SUGCT: variants seen among roughly 807,000 people sequenced by gnomAD.
The protein encoded by SUGCT is succinyl-CoA:glutarate-CoA transferase, also known as succinyl-CoA:glutarate CoA-transferase.
A neutral mutation model predicts 55.0 loss-of-function variants in SUGCT; 41 were observed. The ratio of observed to expected loss-of-function variants is 0.74; its 90% CI spans 0.58 to 0.97. The LOEUF (loss-of-function observed/expected upper bound fraction) is 0.97, where lower values mean the gene tolerates loss of function less well. Ranked by LOEUF, SUGCT falls within the 50% of genes least tolerant of loss-of-function variation. The pLI, the probability that SUGCT is intolerant of heterozygous loss-of-function variation, is 0.00. For synonymous variants in SUGCT, 187 were observed against 200.4 expected (o/e 0.93, Z 0.56); for missense variants, 568 against 547.8 (o/e 1.04, Z -0.37).
At chr7:40,758,221 G>A (rs1026332330) in intron 13 of SUGCT, among the ~76,000 whole-genome samples, 1 of 151,770 alleles carries the variant, frequency 6.6e-6, no homozygotes, top group Admixed American at 6.6e-5. Context: ...CTTTCCTTCA[G>A]CATTACCAAG....
chr7:40,218,968 A>G (rs889905363), intron 6 of SUGCT, among the ~76,000 whole-genome samples: 1 of 152,186 alleles, frequency 6.6e-6, no homozygotes, highest in Non-Finnish European at 1.5e-5. Context: ...TGCCAGCTAC[A>G]TTCTTTCGCT....
downstream of SUGCT, among the ~76,000 whole-genome samples, chr7:40,864,877 T>C (rs746859491): frequency 1.3e-5 from 2 of 152,070 alleles, no homozygotes; most frequent in Non-Finnish European, 2.9e-5. Context: ...TAGCCAGATA[T>C]CAGAATTTAC....
the SUGCT span, among the ~76,000 whole-genome samples, chr7:40,959,228 G>A: frequency 6.6e-6 from 1 of 152,244 alleles, no homozygotes; most frequent in African/African-American, 2.4e-5. Flanking sequence ...TTCAGAGCCA[G>A]CATGCCAGAA....
chr7:41,038,791 C>T, the SUGCT span, among the ~76,000 whole-genome samples: 396 of 152,214 alleles, frequency 2.6e-3, 1 homozygote, highest in African/African-American at 8.8e-3. Flanking sequence ...TCAGTTTCAT[C>T]ATCAGCAAGC....
Position 40,335,479 on chromosome 7 carries a change from G to T in SUGCT, c.816+18624G>T, listed in dbSNP as rs1287086653. 8.3e-3 allele frequency among the ~76,000 whole-genome samples: 1,253 copies of T among 151,796 alleles called. 14 individuals carry two copies. Among genetic ancestry groups the T allele is most frequent in the African/African-American group, 0.029 (1,188 of 41,316 alleles). On this transcript the variant is annotated intron_variant, in intron 9 of 13. Coordinates refer to ENST00000335693, the MANE Select transcript of SUGCT (RefSeq NM_001193313.2). The stretch of plus-strand genomic sequence containing the variant: ...GGTCCTTCACATCCCTTGTAAGTTG[G>T]ATTCCTAGGTATTTTATTCTCTTTG...
chr7:40,215,241 C>T (rs150788557), intron 6 of SUGCT, among the ~76,000 whole-genome samples: 28 of 152,232 alleles, frequency 1.8e-4, no homozygotes, highest in African/African-American at 6.5e-4. Flanking sequence ...CTCCTGGGCT[C>T]AAACGATCTT....
chr7:40,188,434 C>CA (rs35948652), intron 3 of SUGCT, 61 bp from the exon 4 acceptor site: 85,430 of 589,280 alleles, frequency 0.14, 726 homozygotes, highest in African/African-American at 0.19. Flanking sequence ...ACTCCATCTC[C>CA]AAAAAAAAAA....
At chr7:40,455,828 TC>T (rs1789455989) in intron 10 of SUGCT, among the ~76,000 whole-genome samples, 1 of 152,190 alleles carries the variant, frequency 6.6e-6, no homozygotes, top group Admixed American at 6.5e-5. Context: ...TATCATATTT[TC>T]TATCATACTG....
intron 1 of SUGCT, among the ~76,000 whole-genome samples, chr7:40,158,836 T>G (rs1036697314): frequency 1.3e-5 from 2 of 152,224 alleles, no homozygotes; most frequent in African/African-American, 4.8e-5. Flanking sequence ...ATTTTTTCAA[T>G]TGTTAAAATG....
chr7:40,189,526 A>T lies in SUGCT; in HGVS notation c.313-18A>T, dbSNP rs571652463. 4.4e-5 allele frequency: 42 copies of T among 959,028 alleles called. No homozygotes were observed. The African/African-American group carries it at 6.4e-4, about 15-fold the overall frequency. 59.4% of individuals were successfully genotyped at this position (959,028 alleles called of 1,614,324 possible). On this transcript the variant is annotated intron_variant, in intron 4 of 13. Transcript: ENST00000335693. ...GGTCATCGAAATAATATATATATAT[A>T]TATTTTTTAATTTTTAGAGTATTGC...
chr7:40,373,875 CA>C (rs1784420924), intron 9 of SUGCT, among the ~76,000 whole-genome samples: 1 of 152,112 alleles, frequency 6.6e-6, no homozygotes, highest in Non-Finnish European at 1.5e-5. Flanking sequence ...AAGTTGAATT[CA>C]TTATCATAAA....
At chr7:40,899,232 C>CT in the SUGCT span, among the ~76,000 whole-genome samples, 1 of 152,194 alleles carries the variant, frequency 6.6e-6, no homozygotes, top group African/African-American at 2.4e-5. Context: ...GCCCGCCCTC[C>CT]TTCCCTCCCT....
Position 40,827,615 on chromosome 7 carries a change from G to A in SUGCT, c.1154-32701G>A, listed in dbSNP as rs574251568. 8.5e-5 allele frequency among the ~76,000 whole-genome samples: 13 copies of A among 152,222 alleles called. No homozygotes were observed. In the South Asian group the frequency reaches 1.5e-3, roughly 17 times the overall value. On this transcript the variant is annotated intron_variant, in intron 13 of 13. Transcript: ENST00000335693. ...GAAGCTTGGCTCTGTTACTAACCAC[G>A]AGGCTCATTTCTCCTCCGGGGCGTG...
intron 13 of SUGCT, among the ~76,000 whole-genome samples, chr7:40,849,635 G>C (rs1306064541): frequency 6.6e-6 from 1 of 152,154 alleles, no homozygotes; most frequent in Non-Finnish European, 1.5e-5. Flanking sequence ...AGAGTAGCTT[G>C]GGGTGTTTGC....
At chr7:41,035,725 G>A in the SUGCT span, among the ~76,000 whole-genome samples, 42 of 152,290 alleles carry the variant, frequency 2.8e-4, no homozygotes, top group African/African-American at 1.0e-3. Context: ...AAATAATGCA[G>A]GTGGTGTGCT....
intron 6 of SUGCT, among the ~76,000 whole-genome samples, chr7:40,235,118 T>G (rs1480647520): frequency 1.3e-5 from 2 of 152,082 alleles, no homozygotes; most frequent in African/African-American, 2.4e-5. Flanking sequence ...TTAACACCTT[T>G]TTTTAATCAT....
intron 6 of SUGCT, among the ~76,000 whole-genome samples, chr7:40,232,364 C>T (rs904071894): frequency 6.6e-6 from 1 of 152,080 alleles, no homozygotes; most frequent in Non-Finnish European, 1.5e-5. Flanking sequence ...TACTGAAGGT[C>T]GTTAACCTGA....
chr7:40,375,546 A>G (rs1031059286), intron 9 of SUGCT, among the ~76,000 whole-genome samples: 10 of 152,278 alleles, frequency 6.6e-5, no homozygotes, highest in East Asian at 1.9e-4. Flanking sequence ...TTCTTCCCCA[A>G]CTGTCAGTGG....
intron 12 of SUGCT, among the ~76,000 whole-genome samples, chr7:40,746,218 T>A (rs541728805): frequency 4.7e-4 from 72 of 152,274 alleles, no homozygotes; most frequent in African/African-American, 1.7e-3. Flanking sequence ...TGAAATCCTC[T>A]AATATGTTAC....
Sources: allele counts gnomAD v4.1 joint callset (sites outside exome capture counted in the v4.1 genomes callset), GRCh38; gene constraint gnomAD v4.1.1; transcripts MANE v1.5; gene names NCBI Gene and HGNC (gene_info 2026-07-23, HGNC 2026-07-21).